SEL1L3: variants seen among roughly 807,000 people sequenced by gnomAD.
SEL1L3 encodes protein sel-1 homolog 3.
A neutral mutation model predicts 142.8 loss-of-function variants in SEL1L3; 76 were observed. The ratio of observed to expected loss-of-function variants is 0.53; its 90% CI spans 0.44 to 0.64. The LOEUF (loss-of-function observed/expected upper bound fraction) is 0.64. Among genes scored for constraint, SEL1L3 ranks in the 30% least tolerant of loss-of-function variants. SEL1L3 has a pLI of 0.00. For synonymous variants in SEL1L3, 504 were observed against 519.6 expected, an observed-to-expected ratio of 0.97 and a Z score of 0.41; for missense variants, 1,262 against 1,381.7, an observed-to-expected ratio of 0.91 and a Z score of 1.37.
At chr4:25,860,068 T>C (rs1449150377) in intron 1 of SEL1L3, among the ~76,000 whole-genome samples, 1 of 152,206 alleles carries the variant, frequency 6.6e-6, no homozygotes, top group African/African-American at 2.4e-5. Context: ...AATCTCAGAC[T>C]GTATGGCCTG....
chr4:25,778,355 G>T (rs1009988462), intron 16 of SEL1L3, among the ~76,000 whole-genome samples: 2 of 152,232 alleles, frequency 1.3e-5, no homozygotes, highest in East Asian at 3.9e-4. Flanking sequence ...GATAGGTCTG[G>T]ACATACCAAG....
intron 6 of SEL1L3, among the ~76,000 whole-genome samples, chr4:25,825,926 C>A (rs555532316): frequency 2.0e-5 from 3 of 152,222 alleles, no homozygotes; most frequent in African/African-American, 7.2e-5. Flanking sequence ...CCTGCTTCGG[C>A]CTCCCAAAGT....
downstream of SEL1L3, among the ~76,000 whole-genome samples, chr4:25,745,532 CT>C (rs200279846): frequency 9.2e-3 from 1,407 of 152,266 alleles, 25 homozygotes; most frequent in African/African-American, 0.031. Flanking sequence ...GGCAAGGGAC[CT>C]TTGTTTTCCT....
intron 2 of SEL1L3, among the ~76,000 whole-genome samples, chr4:25,838,878 G>A (rs1715997958): frequency 6.6e-6 from 1 of 152,200 alleles, no homozygotes; most frequent in Admixed American, 6.5e-5. Context: ...CAGATCCCTT[G>A]CTTGGGAAAA....
At chr4:25,745,251 T>G (rs1405504841), downstream of SEL1L3, among the ~76,000 whole-genome samples, 1 of 151,948 alleles carries the variant, frequency 6.6e-6, no homozygotes, top group Non-Finnish European at 1.5e-5. Flanking sequence ...AAAAATTAGG[T>G]GGGCATGGTG....
the SEL1L3 span, among the ~76,000 whole-genome samples, chr4:25,735,775 G>A: frequency 1.5e-5 from 2 of 132,866 alleles, no homozygotes; most frequent in South Asian, 5.2e-4. Context: ...TGTGATTTAT[G>A]TTTTTGACCA....
At chr4:25,786,933 C>T (rs996039501) in intron 13 of SEL1L3, among the ~76,000 whole-genome samples, 2 of 152,308 alleles carry the variant, frequency 1.3e-5, no homozygotes, top group Non-Finnish European at 2.9e-5. Context: ...GTGGCCACAG[C>T]TGTGTTCTGG....
chr4:25,816,294 A>T (rs1714388015), intron 9 of SEL1L3, among the ~76,000 whole-genome samples: 1 of 152,052 alleles, frequency 6.6e-6, no homozygotes. Context: ...CCCATTTTGC[A>T]GATGAGGAAA....
intron 23 of SEL1L3, among the ~76,000 whole-genome samples, chr4:25,751,789 T>C (rs1007535221): frequency 6.6e-6 from 1 of 151,818 alleles, no homozygotes; most frequent in Middle Eastern, 3.2e-3. Flanking sequence ...TATTGATCAG[T>C]CAATGTTTTT....
chr4:25,837,396 A>G (rs1715903880), intron 2 of SEL1L3, among the ~76,000 whole-genome samples: 1 of 149,772 alleles, frequency 6.7e-6, no homozygotes, highest in African/African-American at 2.5e-5. Context: ...CAATTAAAAA[A>G]AAAAGCTTCA....
rs1717380975 is a variant in SEL1L3 at position 25,748,462 on chromosome 4, T to G, written c.3362A>C (p.Gln1121Pro). The change falls in exon 24 of 24, where the codon CAG (glutamine) becomes CCG (proline). Residue 1121 changes from glutamine to proline, a missense_variant. This residue lies in a region of SEL1L3 where 138 missense variants were observed against 129.7 expected (regional missense o/e 1.06). Transcript: ENST00000399878. ...CTCCGGGTTATTAGTTACTGTGGGC[T>G]GGTCTTGGTCAGAGGCATCTGCAGC... ...TPAADASDQD[Q>P]PTVTNNPEPR... 3 of 1,611,840 alleles carry G rather than the reference T, an allele frequency of 1.9e-6. No individual in the cohort carries two copies. The highest frequency in any genetic ancestry group is 2.5e-6 in the Non-Finnish European group (3 of 1,179,174).
chr4:25,757,209 A>G (rs1718025445), intron 23 of SEL1L3, among the ~76,000 whole-genome samples: 1 of 152,134 alleles, frequency 6.6e-6, no homozygotes, highest in Non-Finnish European at 1.5e-5. Flanking sequence ...CAGAGGTTGC[A>G]GTGAGCTGAG....
chr4:25,819,978 T>C (rs2109257621), intron 7 of SEL1L3, 38 bp from the exon 8 acceptor site: 3 of 1,584,918 alleles, frequency 1.9e-6, no homozygotes, highest in Non-Finnish European at 2.6e-6. Context: ...ACAACAATTG[T>C]CATCAAATAT....
chr4:25,722,987 G>T, the SEL1L3 span, among the ~76,000 whole-genome samples: 1 of 152,182 alleles, frequency 6.6e-6, no homozygotes, highest in African/African-American at 2.4e-5. Context: ...GAGTTACGTG[G>T]ACAAGGAGAG....
chr4:25,821,666 G>T (rs941429424), intron 7 of SEL1L3, among the ~76,000 whole-genome samples: 4 of 152,178 alleles, frequency 2.6e-5, no homozygotes, highest in African/African-American at 4.8e-5. Flanking sequence ...ATAAAAGAAG[G>T]TTTACCAAAT....
chr4:25,859,090 A>G (rs1047802527), intron 1 of SEL1L3, among the ~76,000 whole-genome samples: 1 of 152,290 alleles, frequency 6.6e-6, no homozygotes, highest in African/African-American at 2.4e-5. Flanking sequence ...TATCACAGAT[A>G]GAGAGCTGGG....
chr4:25,808,488 C>T (rs1000633787), intron 9 of SEL1L3, among the ~76,000 whole-genome samples: 5 of 152,104 alleles, frequency 3.3e-5, no homozygotes, highest in East Asian at 1.9e-4. Context: ...CTGGGACCAG[C>T]GTCTGTTCGA....
At chr4:25,823,691 T>C (rs374908787) in intron 6 of SEL1L3, among the ~76,000 whole-genome samples, 49 of 151,674 alleles carry the variant, frequency 3.2e-4, no homozygotes, top group Middle Eastern at 3.2e-3. Context: ...GGCAATAAGA[T>C]GGAGCCAGGA....
At chr4:25,861,117 A>AT (rs1717679470) in intron 1 of SEL1L3, among the ~76,000 whole-genome samples, 1 of 151,852 alleles carries the variant, frequency 6.6e-6, no homozygotes, top group Non-Finnish European at 1.5e-5. Context: ...TTCACGCAAC[A>AT]CTCTACTACA....
Sources: allele counts gnomAD v4.1 joint callset (sites outside exome capture counted in the v4.1 genomes callset), GRCh38; gene constraint gnomAD v4.1.1; regional missense constraint gnomAD v4.1.1; transcripts MANE v1.5; gene names NCBI Gene and HGNC (gene_info 2026-07-23, HGNC 2026-07-21).